The following ERG variants were observed in gnomAD, a reference collection of about 807,000 sequenced individuals.
ERG encodes the protein transcriptional regulator ERG.
A neutral mutation model predicts 55.3 loss-of-function variants in ERG; 9 were observed. The observed-to-expected ratio is 0.16, with a 90% CI of 0.10 to 0.28. The LOEUF (loss-of-function observed/expected upper bound fraction) is 0.28. Among genes scored for constraint, ERG ranks in the 10% least tolerant of loss-of-function variants. ERG has a pLI of 1.00. For synonymous variants in ERG, 223 were observed against 237.3 expected (o/e 0.94, Z 0.55); for missense variants, 434 against 631.6 (o/e 0.69, Z 3.35).
intron 6 of ERG, among the ~76,000 whole-genome samples, chr21:38,393,969 C>T (rs1420456599): frequency 6.6e-6 from 1 of 152,170 alleles, no homozygotes; most frequent in East Asian, 1.9e-4. Flanking sequence ...ATTATATCTG[C>T]AGCCCCTAAC....
chr21:38,421,721 C>T (rs1173552648), intron 3 of ERG, among the ~76,000 whole-genome samples: 1 of 152,224 alleles, frequency 6.6e-6, no homozygotes, highest in East Asian at 1.9e-4. Flanking sequence ...TCCGTTCATC[C>T]ATTCTCCACC....
In ERG at chr21:38,403,728, C is replaced by T. The variant is rs2146457355; in HGVS notation, c.389-19G>A. On this transcript the variant is annotated intron_variant, in intron 3 of 9. Transcript: ENST00000288319. ...GTAGGATCTGAAAGGGGTGGGAACA[C>T]ATTCAGTCAATTCCTGAAGCCAGGG... 7 of 1,611,812 alleles carry T rather than the reference C, an allele frequency of 4.3e-6. No homozygotes were observed. Among genetic ancestry groups the T allele is most frequent in the Non-Finnish European group, 5.9e-6 (7 of 1,177,978 alleles).
intron 2 of ERG, among the ~76,000 whole-genome samples, chr21:38,518,838 T>G (rs991988287): frequency 1.1e-4 from 17 of 152,094 alleles, no homozygotes; most frequent in African/African-American, 4.1e-4. Flanking sequence ...AAGACACTAT[T>G]AAGAGAATCA....
Position 38,381,815 on chromosome 21 carries a change from A to G in ERG, c.*1588T>C, listed in dbSNP as rs1987452615. The G allele has an allele frequency of 1.9e-6, 2 of 1,063,600 alleles. No individual in the cohort carries two copies. Among genetic ancestry groups the G allele is most frequent in the Non-Finnish European group, 2.3e-6 (2 of 878,292 alleles). 65.9% of individuals were successfully genotyped at this position (1,063,600 alleles called of 1,614,324 possible). A position where few individuals can be genotyped will look rare whatever the true frequency, so the allele number is the denominator to read the frequency against. On this transcript the variant is annotated 3_prime_UTR_variant, in exon 10 of 10. Transcript: ENST00000288319. ...TGAAACCCGGGGTCCTTCTGTTCCA[A>G]AAGGGGCTAGAAATAAAAGACAGGA...
In ERG at chr21:38,391,498, C is replaced by T. The variant is rs1479864592; in HGVS notation, c.871+161G>A. Among the ~76,000 whole-genome samples, 3 of 152,262 alleles carry T rather than the reference C, an allele frequency of 2.0e-5. No individual in the cohort carries two copies. In the South Asian group the frequency reaches 6.2e-4, roughly 32 times the overall value. ...GTTTTAGCACCATCTCAAGTCACCT[C>T]GCATGAGTAGGCTGATGACTTGGGC... On this transcript the variant is annotated intron_variant, in intron 8 of 9. Coordinates refer to ENST00000288319, the MANE Select transcript of ERG (RefSeq NM_182918.4).
chr21:38,645,156 C>T (rs2060448221), intron 1 of ERG, among the ~76,000 whole-genome samples: 1 of 151,746 alleles, frequency 6.6e-6, no homozygotes, highest in Non-Finnish European at 1.5e-5. Flanking sequence ...GAGACTCTGT[C>T]TCAGAAAAAA....
chr21:38,368,526 C>T, the ERG span, among the ~76,000 whole-genome samples: 1 of 152,132 alleles, frequency 6.6e-6, no homozygotes, highest in African/African-American at 2.4e-5. Flanking sequence ...CCAATCACCT[C>T]CCACCAGGCC....
At position 38,428,040 on chromosome 21, in the gene ERG, G is replaced by A. The variant is rs148091164; in HGVS notation, c.237-4479C>T. Among the ~76,000 whole-genome samples the A allele has an allele frequency of 5.3e-5, 8 of 151,764 alleles. No homozygotes were observed. The East Asian group carries it at 1.2e-3, about 22-fold the overall frequency. Reference sequence around the variant, plus strand: ...TTTACAAAAAATACAAAAATTAGTCGGGCATGGTGTGCACCTGTAGTCCCA... The same window carrying A: ...TTTACAAAAAATACAAAAATTAGTCAGGCATGGTGTGCACCTGTAGTCCCA... On this transcript the variant is annotated intron_variant, in intron 2 of 9. Transcript: ENST00000288319.
chr21:38,636,917 C>T (rs1384130619), intron 1 of ERG, among the ~76,000 whole-genome samples: 1 of 152,066 alleles, frequency 6.6e-6, no homozygotes, highest in African/African-American at 2.4e-5. Context: ...AAGGAAGAGG[C>T]GAACACTGTT....
At chr21:38,477,000 T>C (rs1201238607) in intron 1 of ERG, among the ~76,000 whole-genome samples, 1 of 145,392 alleles carries the variant, frequency 6.9e-6, no homozygotes, top group Non-Finnish European at 1.5e-5. Context: ...TTTCTTTTCT[T>C]TCTTTCCTTT....
In ERG at chr21:38,563,684, G is replaced by A. The variant is rs1030158227; in HGVS notation, c.-41+11978C>T. Among the ~76,000 whole-genome samples the A allele has an allele frequency of 4.6e-5, 7 of 152,204 alleles. No individual in the cohort carries two copies. The East Asian group carries it at 1.3e-3, about 29-fold the overall frequency. On this transcript the variant is annotated intron_variant, in intron 2 of 8. Coordinates refer to the ERG transcript ENST00000398897. The stretch of plus-strand genomic sequence containing the variant: ...ATTGCTTATTCAATTCAGTCAACTC[G>A]TATATGTGAAGCATGTGCTACATAC...
the ERG span, chr21:38,367,542 G>A: frequency 3.0e-5 from 14 of 471,112 alleles, no homozygotes; most frequent in Non-Finnish European, 1.6e-5. Flanking sequence ...CCCAGAATAA[G>A]TGATGCAAAG....
At chr21:38,618,265 G>T (rs1601319293) in intron 1 of ERG, among the ~76,000 whole-genome samples, 2 of 144,696 alleles carry the variant, frequency 1.4e-5, no homozygotes, top group Admixed American at 6.9e-5. Context: ...TCATGAAACA[G>T]GGCAGATGAT....
intron 2 of ERG, among the ~76,000 whole-genome samples, chr21:38,523,835 C>A (rs1233037302): frequency 6.6e-6 from 1 of 152,172 alleles, no homozygotes; most frequent in Non-Finnish European, 1.5e-5. Context: ...ATGGGCTTCT[C>A]AGGTGCCTCC....
At chr21:38,609,274 A>G (rs188811706) in intron 1 of ERG, among the ~76,000 whole-genome samples, 5 of 152,324 alleles carry the variant, frequency 3.3e-5, no homozygotes, top group African/African-American at 4.8e-5. Flanking sequence ...TAGATCTAGC[A>G]GGCATTAAGG....
chr21:38,422,784 G>A (rs1441598318), intron 3 of ERG, among the ~76,000 whole-genome samples: 1 of 152,214 alleles, frequency 6.6e-6, no homozygotes, highest in Non-Finnish European at 1.5e-5. Context: ...TTACAGGCCA[G>A]TGATAGCTGG....
intron 1 of ERG, among the ~76,000 whole-genome samples, chr21:38,615,023 T>G (rs2060250346): frequency 6.6e-6 from 1 of 152,214 alleles, no homozygotes; most frequent in African/African-American, 2.4e-5. Context: ...CTGCCTGAGA[T>G]ACCCAAATCC....
chr21:38,639,508 A>T (rs2060410720), intron 1 of ERG, among the ~76,000 whole-genome samples: 1 of 152,196 alleles, frequency 6.6e-6, no homozygotes, highest in Admixed American at 6.5e-5. Flanking sequence ...AAGAGAAAAC[A>T]TTTAAAAATG....
rs76780986 is a variant in ERG, at chr21:38,507,266, A to G, written c.-41+68396T>C. 5.9e-4 allele frequency among the ~76,000 whole-genome samples: 90 copies of G among 152,338 alleles called. 2 individuals are homozygous for G. In the East Asian group the frequency reaches 0.015, roughly 26 times the overall value. On this transcript the variant is annotated intron_variant, in intron 2 of 8. Transcript: ENST00000398897. ...CCTTCGTGATATTTCTCCGAAGGGA[A>G]GAGTCCATGCAGCATCCTGATAACA... is the stretch of plus-strand genomic sequence containing the variant.
Sources: allele counts gnomAD v4.1 joint callset (sites outside exome capture counted in the v4.1 genomes callset), GRCh38; gene constraint gnomAD v4.1.1; transcripts MANE v1.5; gene names NCBI Gene and HGNC (gene_info 2026-07-23, HGNC 2026-07-21).